The following NAV3 variants were observed in gnomAD, a reference collection of about 807,000 sequenced individuals.
The protein encoded by NAV3 is pore membrane and/or filament interacting like protein 1.
A neutral mutation model predicts 244.7 loss-of-function variants in NAV3; 87 were observed. The observed-to-expected ratio is 0.36, with a 90% CI of 0.30 to 0.42. The LOEUF is 0.42. Ranked by LOEUF, NAV3 falls within the 20% of genes least tolerant of loss-of-function variation. The probability of loss-of-function intolerance (pLI) is 1.00; values close to 1 mark genes in which losing one functional copy is unlikely to be tolerated. For synonymous variants in NAV3, 1,126 were observed against 1,042.2 expected (o/e 1.08, Z -1.55); for missense variants, 2,663 against 2,893.3 (o/e 0.92, Z 1.83).
chr12:77,588,805 G>A (rs1964608), intron 2 of NAV3, among the ~76,000 whole-genome samples: 27,879 of 151,938 alleles, frequency 0.18, 2,881 homozygotes, highest in Admixed American at 0.25. Flanking sequence ...TTATAATTTT[G>A]ACAAAATATT....
intron 2 of NAV3, among the ~76,000 whole-genome samples, chr12:77,695,897 T>C (rs1875273932): frequency 6.6e-6 from 1 of 152,162 alleles, no homozygotes; most frequent in Non-Finnish European, 1.5e-5. Context: ...GCCCATATTT[T>C]CTACCCCAGA....
At chr12:78,001,897 G>A (rs1873372082) in intron 7 of NAV3, among the ~76,000 whole-genome samples, 2 of 152,166 alleles carry the variant, frequency 1.3e-5, no homozygotes, top group Admixed American at 1.3e-4. Flanking sequence ...TTCTCCTGAT[G>A]ACCTGCCATT....
intron 23 of NAV3, among the ~76,000 whole-genome samples, chr12:78,165,369 T>C (rs1214367226): frequency 6.6e-6 from 1 of 152,048 alleles, no homozygotes; most frequent in East Asian, 1.9e-4. Context: ...AATGACTGAA[T>C]TGGAAGAGTA....
In NAV3 at chr12:78,199,329, T is replaced by C. The variant is rs1351341508; in HGVS notation, c.6519-6T>C. 6.3e-7 allele frequency: 1 copy of C among 1,576,988 alleles called. No homozygotes were observed. The highest frequency in any genetic ancestry group is 1.2e-5 in the South Asian group (1 of 82,668). The stretch of plus-strand genomic sequence containing the variant: ...TAAAAATGTCTGATTTTTTTTCTTT[T>C]TGTAGGTGGGTATTATGTGCAAATC... On this transcript the variant is annotated splice_polypyrimidine_tract_variant and splice_region_variant and intron_variant, in intron 36 of 39. Transcript: ENST00000397909.
intron 2 of NAV3, 44 bp from the exon 3 acceptor site, chr12:77,941,037 T>C (rs764794004): frequency 8.0e-7 from 1 of 1,248,248 alleles, no homozygotes; most frequent in East Asian, 2.3e-5. Context: ...TGCTTAAGCA[T>C]GTCGTTCTTT....
rs149352381 is a variant in NAV3 at position 77,626,662 on chromosome 12, G to T, written c.72+54396G>T. Among the ~76,000 whole-genome samples, 395 of 151,926 alleles carry T rather than the reference G, an allele frequency of 2.6e-3. 1 individual carries two copies. The highest frequency in any genetic ancestry group is 9.3e-3 in the African/African-American group (386 of 41,476). Reference sequence around the variant, plus strand: ...TGATATATTCAAAGTGCTGCATAAAGAAGAAAAAAAACCTGCTAGCCAATA... The same window carrying T: ...TGATATATTCAAAGTGCTGCATAAATAAGAAAAAAAACCTGCTAGCCAATA... On this transcript the variant is annotated intron_variant, in intron 2 of 8. Coordinates refer to the NAV3 transcript ENST00000550042.
chr12:77,760,488 A>G (rs1037800351), intron 2 of NAV3, among the ~76,000 whole-genome samples: 1 of 152,204 alleles, frequency 6.6e-6, no homozygotes, highest in African/African-American at 2.4e-5. Flanking sequence ...TGTCACTTGT[A>G]CTAGTAGCAG....
Position 77,774,899 on chromosome 12 carries a change from G to C in NAV3, c.73-165420G>C, listed in dbSNP as rs577194288. Among the ~76,000 whole-genome samples, 175 of 152,256 alleles carry C rather than the reference G, an allele frequency of 1.1e-3. 1 individual carries two copies. The highest frequency in any genetic ancestry group is 3.5e-3 in the African/African-American group (147 of 41,542). On this transcript the variant is annotated intron_variant, in intron 2 of 8. Transcript: ENST00000550042. ...GGAGACAAAGACTTATAAAGCCAAG[G>C]CTTCCATTTAGTATATTTCTGTATC...
chr12:77,683,492 T>C (rs1335200768), intron 2 of NAV3, among the ~76,000 whole-genome samples: 3 of 152,182 alleles, frequency 2.0e-5, no homozygotes, highest in Non-Finnish European at 2.9e-5. Flanking sequence ...TAGGATTGCT[T>C]CAGCTATTTG....
intron 1 of NAV3, among the ~76,000 whole-genome samples, chr12:77,835,796 T>A (rs1268078367): frequency 6.6e-6 from 1 of 152,196 alleles, no homozygotes; most frequent in Non-Finnish European, 1.5e-5. Context: ...TTGCTTCTCA[T>A]ATCTTATAAT....
At chr12:77,795,598 T>G (rs1871370556) in intron 2 of NAV3, among the ~76,000 whole-genome samples, 1 of 152,166 alleles carries the variant, frequency 6.6e-6, no homozygotes, top group East Asian at 1.9e-4. Flanking sequence ...ATACTGCATA[T>G]AAGTACATTG....
At chr12:77,797,769 G>A (rs929737203) in intron 2 of NAV3, among the ~76,000 whole-genome samples, 3 of 151,404 alleles carry the variant, frequency 2.0e-5, no homozygotes, top group Non-Finnish European at 2.9e-5. Flanking sequence ...TGAACGTGAG[G>A]CAGAGGTTGC....
chr12:78,054,659 T>C lies in NAV3; in HGVS notation c.2516+3512T>C, dbSNP rs191176826. On this transcript the variant is annotated intron_variant, in intron 11 of 39. Coordinates refer to ENST00000397909, the MANE Select transcript of NAV3 (RefSeq NM_001024383.2). ...GATAAAATTAGGAAAGTAATTGATA[T>C]GGGAAGCACTGCAAAGGAAAAGTTT... Among the ~76,000 whole-genome samples, 8 of 152,218 alleles carry C rather than the reference T, an allele frequency of 5.3e-5. No individual in the cohort carries two copies. In the East Asian group the frequency reaches 1.2e-3, roughly 22 times the overall value.
intron 22 of NAV3, among the ~76,000 whole-genome samples, chr12:78,149,702 T>A (rs946536595): frequency 2.6e-5 from 4 of 152,128 alleles, no homozygotes; most frequent in Non-Finnish European, 5.9e-5. Context: ...TGCTCAGTTC[T>A]GCTGCATAGC....
intron 19 of NAV3, among the ~76,000 whole-genome samples, chr12:78,139,143 A>C (rs1956499672): frequency 6.6e-6 from 1 of 152,164 alleles, no homozygotes; most frequent in Non-Finnish European, 1.5e-5. Context: ...TGCACATTAC[A>C]TAGAGTAATA....
intron 2 of NAV3, among the ~76,000 whole-genome samples, chr12:77,707,053 TTTTCTTTC>T (rs144244729): frequency 9.3e-5 from 14 of 150,456 alleles, no homozygotes; most frequent in Admixed American, 7.2e-4. Context: ...GCTACCTTTT[TTTTCTTTC>T]TTTCTTTCTT....
Position 77,831,468 on chromosome 12 carries a change from GT to G in NAV3, c.9del (p.Val6LeufsTer5), listed in dbSNP as rs1873675097. 4 of 1,603,718 alleles carry G rather than the reference GT, an allele frequency of 2.5e-6. No homozygotes were observed. In the South Asian group the frequency reaches 4.5e-5, roughly 18 times the overall value. ...AGATAATTTTATAGAAGCCATGCCT[GT>G]TCTTGGGGTTGCCTCAAAACTGAGG... MP[V>X]LGVASKLRQP... On this transcript the variant is annotated frameshift_variant, in exon 1 of 40. Transcript: ENST00000397909. LOFTEE classifies it high-confidence loss of function.
chr12:77,609,260 A>T (rs1336725705), intron 2 of NAV3, among the ~76,000 whole-genome samples: 1 of 152,064 alleles, frequency 6.6e-6, no homozygotes, highest in African/African-American at 2.4e-5. Context: ...AATCTGATAC[A>T]TCAGACTTGC....
chr12:78,047,384 G>A (rs960991426), intron 9 of NAV3, among the ~76,000 whole-genome samples: 2 of 152,196 alleles, frequency 1.3e-5, no homozygotes, highest in Admixed American at 6.5e-5. Context: ...CTACTCAGGA[G>A]GCTGAGGCAG....
Sources: gnomAD v4.1 joint callset for allele counts (sites outside exome capture counted in the v4.1 genomes callset) on GRCh38, gnomAD v4.1.1 for gene constraint, MANE v1.5 for transcripts, NCBI Gene and HGNC (gene_info 2026-07-23, HGNC 2026-07-21) for gene names.